Variants in ARL17A observed in about 807,000 individuals in gnomAD.
ARL17A encodes ADP-ribosylation factor-like 17-like.
intron 4 of ARL17A, among the ~76,000 whole-genome samples, chr17:46,533,546 G>C (rs1406770110): frequency 7.5e-6 from 1 of 133,354 alleles, no homozygotes; most frequent in Non-Finnish European, 1.5e-5. Context: ...CTGTTGCCCA[G>C]GCTAGAGTGC....
chr17:46,545,170 A>G (rs1411119570), intron 3 of ARL17A, among the ~76,000 whole-genome samples: 2 of 130,970 alleles, frequency 1.5e-5, no homozygotes, highest in Non-Finnish European at 3.1e-5. Flanking sequence ...AGTGGCTCCC[A>G]CTTGTAATCC....
chr17:46,548,945 G>C (rs755099541), downstream of ARL17A: 5 of 1,612,462 alleles, frequency 3.1e-6, no homozygotes, highest in African/African-American at 1.4e-5. Flanking sequence ...CCACAGGTGA[G>C]AGACAGATGG....
chr17:46,568,519 G>T (rs1185406288), intron 3 of ARL17A, among the ~76,000 whole-genome samples: 2 of 113,824 alleles, frequency 1.8e-5, no homozygotes, highest in African/African-American at 3.5e-5. Flanking sequence ...AAAAGAGGGG[G>T]GGAGGCCAGG....
Position 46,555,842 on chromosome 17 carries a change from G to GA in ARL17A, c.*1513dup. 6.8e-6 allele frequency: 1 copy of GA among 146,728 alleles called. No homozygotes were observed. Among genetic ancestry groups the GA allele is most frequent in the Non-Finnish European group, 1.0e-5 (1 of 97,434 alleles). The allele number at this position is 146,728 out of a possible 1,614,324, so 9.1% of individuals were successfully genotyped here. ...TGCCAGATGCTGTACCTGGTGCTGGGAAAGAGTTGACTAGGCCAGCATCCC... is the reference window on the plus strand; with the variant it reads ...TGCCAGATGCTGTACCTGGTGCTGGGAAAAGAGTTGACTAGGCCAGCATCCC... On this transcript the variant is annotated 3_prime_UTR_variant, in exon 4 of 4. Transcript: ENST00000336125.
chr17:46,528,938 G>C, intron 4 of ARL17A: 2 of 625,932 alleles, frequency 3.2e-6, no homozygotes, highest in Non-Finnish European at 5.6e-6. Flanking sequence ...TAGGTCATCT[G>C]CTTATTTCTT....
chr17:46,533,422 C>T (rs1167421264), intron 4 of ARL17A, among the ~76,000 whole-genome samples: 3 of 129,048 alleles, frequency 2.3e-5, no homozygotes, highest in East Asian at 4.4e-4. Context: ...CTGTTATTGT[C>T]ACACATTACA....
At chr17:46,532,100 C>T (rs1288703175) in intron 4 of ARL17A, among the ~76,000 whole-genome samples, 2 of 150,328 alleles carry the variant, frequency 1.3e-5, no homozygotes, top group East Asian at 1.9e-4. Context: ...GGTTTCAGCA[C>T]GTTTATCAGG....
At position 46,537,161 on chromosome 17, in the gene ARL17A, C is replaced by CT. The variant is rs1212155417; in HGVS notation, c.335+1189dup. Among the ~76,000 whole-genome samples, 26 of 7,778 alleles carry CT rather than the reference C, an allele frequency of 3.3e-3. 7 individuals carry two copies. The highest frequency in any genetic ancestry group is 5.8e-3 in the Non-Finnish European group (23 of 3,960). The allele number at this position is 7,778 out of a possible 152,430, so 5.1% of individuals were successfully genotyped here. ...TGAAGGGATGAATTTTTGGATGTCT[C>CT]TTTTTTTTTTTTTTTTTTTTTTTTT... On this transcript the variant is annotated intron_variant, in intron 4 of 4. Transcript: ENST00000329240.
intron 4 of ARL17A, among the ~76,000 whole-genome samples, chr17:46,531,986 G>C (rs950961451): frequency 4.1e-5 from 6 of 147,980 alleles, no homozygotes; most frequent in African/African-American, 1.6e-4. Context: ...TCTTATAATC[G>C]TGTGAGATGT....
chr17:46,532,912 G>T (rs1162703107), intron 4 of ARL17A, among the ~76,000 whole-genome samples: 1 of 146,160 alleles, frequency 6.8e-6, no homozygotes, highest in South Asian at 2.2e-4. Context: ...GCCAGCCAGG[G>T]CAACATACTG....
Position 46,558,801 on chromosome 17 carries a change from A to C in ARL17A, c.260-1171T>G, listed in dbSNP as rs1158656192. 4.1e-5 allele frequency: 5 copies of C among 120,812 alleles called. No individual in the cohort carries two copies. The South Asian group carries it at 1.2e-3, about 30-fold the overall frequency. 7.5% of individuals were successfully genotyped at this position (120,812 alleles called of 1,614,324 possible). On this transcript the variant is annotated intron_variant, in intron 3 of 3. Transcript: ENST00000336125. ...CCTCCCTTCTAACTCACACTCCCCT[A>C]TATCAATCTCCCAGAAAAAGGGACC...
chr17:46,504,867 TTTA>T, the ARL17A span, among the ~76,000 whole-genome samples: 2 of 123,966 alleles, frequency 1.6e-5, no homozygotes, highest in Non-Finnish European at 3.3e-5. Flanking sequence ...AATACATTGA[TTTA>T]TTAATTAATA....
chr17:46,521,438 A>G (rs866370198), intron 3 of ARL17A, among the ~76,000 whole-genome samples: 1,351 of 53,030 alleles, frequency 0.025, 404 homozygotes, highest in Middle Eastern at 0.11. Context: ...CTATTCATTT[A>G]TTTTACAAAT....
chr17:46,543,369 A>C (rs893555297), intron 3 of ARL17A, among the ~76,000 whole-genome samples: 6 of 150,816 alleles, frequency 4.0e-5, no homozygotes, highest in African/African-American at 7.5e-5. Context: ...CTTTAAAACA[A>C]TCCTGGGAAC....
downstream of ARL17A, among the ~76,000 whole-genome samples, chr17:46,525,967 C>A (rs1335874640): frequency 3.5e-5 from 3 of 85,722 alleles, no homozygotes; most frequent in Admixed American, 1.1e-4. Flanking sequence ...ACTTGAGAGA[C>A]ACTAACTTGC....
intron 3 of ARL17A, among the ~76,000 whole-genome samples, chr17:46,545,834 C>G (rs2056227403): frequency 6.7e-6 from 1 of 150,106 alleles, no homozygotes; most frequent in Admixed American, 6.6e-5. Context: ...TTAAACTAAG[C>G]TATTTTTAAT....
chr17:46,516,616 A>T (rs1357305569), downstream of ARL17A: 1 of 162,190 alleles, frequency 6.2e-6, no homozygotes, highest in East Asian at 1.7e-4. Context: ...GATTCTGTAA[A>T]ACCTTGATTA....
chr17:46,550,794 A>G (rs1303898413), downstream of ARL17A, among the ~76,000 whole-genome samples: 10 of 99,994 alleles, frequency 1.0e-4, no homozygotes, highest in African/African-American at 3.6e-4. Flanking sequence ...ACCCAAAACT[A>G]TGTCAACAAT....
intron 3 of ARL17A, among the ~76,000 whole-genome samples, chr17:46,541,396 C>T (rs1299692089): frequency 2.0e-5 from 3 of 147,896 alleles, no homozygotes; most frequent in Non-Finnish European, 4.4e-5. Context: ...GGATTACAGG[C>T]GCATGCCACC....
Sources: allele counts gnomAD v4.1 joint callset (sites outside exome capture counted in the v4.1 genomes callset), GRCh38; gene constraint gnomAD v4.1.1; transcripts MANE v1.5; gene names NCBI Gene and HGNC (gene_info 2026-07-23, HGNC 2026-07-21).